The following ZEB2 variants were observed in gnomAD, a reference collection of about 807,000 sequenced individuals.
ZEB2 encodes zinc finger E-box-binding homeobox 2.
In ZEB2, 6 loss-of-function variants were observed where a neutral mutation model predicts 99.9. The observed-to-expected ratio is 0.06, with a 90% CI of 0.03 to 0.12. The LOEUF is 0.12. Ranked by LOEUF, ZEB2 falls within the 10% of genes least tolerant of loss-of-function variation. The pLI, the probability that ZEB2 is intolerant of heterozygous loss-of-function variation, is 1.00. For synonymous variants in ZEB2, 517 were observed against 542.5 expected, an observed-to-expected ratio of 0.95 and a Z score of 0.65; for missense variants, 969 against 1,502.8, an observed-to-expected ratio of 0.64 and a Z score of 5.87.
At position 144,489,241 on chromosome 2, in the gene ZEB2, T is replaced by A. The variant is rs1416414779; in HGVS notation, c.73+28037A>T. 2.6e-5 allele frequency among the ~76,000 whole-genome samples: 4 copies of A among 152,248 alleles called. No homozygotes were observed. The East Asian group carries it at 7.7e-4, about 29-fold the overall frequency. ...AAAAATGCAGCACATGTTGAAGTCT[T>A]AAAGTAATAATATCTTTTTAAATAC... On this transcript the variant is annotated intron_variant, in intron 2 of 9. Coordinates refer to ENST00000627532, the MANE Select transcript of ZEB2 (RefSeq NM_014795.4).
At position 144,384,235 on chromosome 2, in the gene ZEB2, G is replaced by A. The variant is rs1703051337; in HGVS notation, c.*5216C>T. On this transcript the variant is annotated 3_prime_UTR_variant, in exon 10 of 10. Coordinates refer to ENST00000627532, the MANE Select transcript of ZEB2 (RefSeq NM_014795.4). ...ATTTTGGAGCATTTTAACATGTCAT[G>A]CTAGATTATAGGTAGTAGGCGACTC... is the stretch of plus-strand genomic sequence containing the variant. The A allele has an allele frequency of 6.6e-6, 1 of 151,788 alleles. No individual in the cohort carries two copies. Among genetic ancestry groups the A allele is most frequent in the South Asian group, 2.1e-4 (1 of 4,822 alleles). 9.4% of individuals were successfully genotyped at this position (151,788 alleles called of 1,614,324 possible).
intron 2 of ZEB2, among the ~76,000 whole-genome samples, chr2:144,474,184 C>A (rs1704398560): frequency 6.6e-6 from 1 of 152,134 alleles, no homozygotes; most frequent in Non-Finnish European, 1.5e-5. Flanking sequence ...TTGATTCAGA[C>A]CAGATGGATG....
chr2:144,500,270 G>A (rs1704849365), intron 2 of ZEB2, among the ~76,000 whole-genome samples: 4 of 152,186 alleles, frequency 2.6e-5, no homozygotes, highest in South Asian at 4.1e-4. Context: ...TTAATTAACC[G>A]CCCTGTAGAT....
chr2:144,398,208 GT>G, intron 8 of ZEB2, 92 bp downstream of exon 8: 4 of 1,528,620 alleles, frequency 2.6e-6, no homozygotes, highest in South Asian at 1.2e-5. Flanking sequence ...TTTCTGCTGA[GT>G]TTTTTCACTA....
intron 2 of ZEB2, among the ~76,000 whole-genome samples, chr2:144,435,959 T>C (rs993529088): frequency 1.3e-5 from 2 of 152,046 alleles, no homozygotes; most frequent in African/African-American, 4.8e-5. Flanking sequence ...GTTACCTTGT[T>C]ACCTCCGTGC....
Position 144,398,491 on chromosome 2 carries a change from G to A in ZEB2, c.2696C>T (p.Pro899Leu), listed in dbSNP as rs1703260505. ...FSAKPLYTALPPQSAFPPATF... is the reference protein window; with the variant it reads ...FSAKPLYTALLPQSAFPPATF... The stretch of plus-strand genomic sequence containing the variant: ...AGCAGGGGGAAATGCGCTTTGAGGT[G>A]GAAGAGCTGTGTATAAAGGTTTGGC... Residue 899 changes from proline (P) to leucine (L), a missense_variant, in exon 8 of 10, where the codon CCA becomes CTA. By Grantham distance (98) the Pro-to-Leu change is moderately conservative. Transcript: ENST00000627532. The A allele has an allele frequency of 6.2e-7, 1 of 1,613,948 alleles. No homozygotes were observed.
chr2:144,425,365 C>G (rs1202292105), intron 3 of ZEB2, among the ~76,000 whole-genome samples: 1 of 152,136 alleles, frequency 6.6e-6, no homozygotes, highest in African/African-American at 2.4e-5. Context: ...TTCTACATAT[C>G]AAAACTTGGA....
intron 9 of ZEB2, among the ~76,000 whole-genome samples, chr2:144,396,198 G>C (rs552090195): frequency 2.0e-5 from 3 of 152,096 alleles, no homozygotes; most frequent in Non-Finnish European, 4.4e-5. Context: ...AGAATAACTG[G>C]AAAGATATTA....
chr2:144,423,852 G>C (rs1316188851), intron 4 of ZEB2, among the ~76,000 whole-genome samples: 1 of 152,066 alleles, frequency 6.6e-6, no homozygotes, highest in Non-Finnish European at 1.5e-5. Context: ...AATCATCTTA[G>C]TTTTTTACAT....
intron 4 of ZEB2, among the ~76,000 whole-genome samples, chr2:144,410,276 A>G (rs1009448002): frequency 8.5e-5 from 13 of 152,182 alleles, no homozygotes; most frequent in African/African-American, 3.1e-4. Context: ...TTAGATTGTT[A>G]GGGTGAATTT....
intron 2 of ZEB2, among the ~76,000 whole-genome samples, chr2:144,443,084 T>C (rs548670259): frequency 3.5e-4 from 53 of 152,258 alleles, no homozygotes; most frequent in Middle Eastern, 3.4e-3. Flanking sequence ...CTTAGATCCT[T>C]GGGGAAAAGT....
rs771693391 is a variant in ZEB2 at position 144,396,517 on chromosome 2, G to A, written c.2962C>T (p.Arg988Cys). Residue 988 changes from arginine to cysteine, a missense_variant, in exon 9 of 10, where the codon CGC becomes TGC. Transcript: ENST00000627532. ...DMTDSDSCLS[R>C]KKIKKTESGM... ...CTCTCTGTCTTCTTGATCTTTTTGC[G>A]AGACAGACAGGAGTCGGAGTCTGTC... 2 of 1,614,008 alleles carry A rather than the reference G, an allele frequency of 1.2e-6. No individual in the cohort carries two copies. The highest frequency in any genetic ancestry group is 1.7e-6 in the Non-Finnish European group (2 of 1,179,990).
intron 8 of ZEB2, among the ~76,000 whole-genome samples, 178 bp from the exon 9 acceptor site, chr2:144,396,770 T>C (rs1044918012): frequency 3.3e-5 from 5 of 152,174 alleles, no homozygotes; most frequent in African/African-American, 1.2e-4. Flanking sequence ...TGCAACAATA[T>C]ACGCAACAAA....
intron 4 of ZEB2, among the ~76,000 whole-genome samples, chr2:144,420,840 G>A (rs1164173717): frequency 6.6e-6 from 1 of 152,154 alleles, no homozygotes; most frequent in Non-Finnish European, 1.5e-5. Flanking sequence ...AAGGGATTTG[G>A]TCTGACAAGA....
intron 2 of ZEB2, chr2:144,513,058 C>T (rs1370655528): frequency 3.9e-6 from 5 of 1,287,100 alleles, no homozygotes; most frequent in Admixed American, 4.6e-5. Flanking sequence ...GTGTATGACT[C>T]TCGTTGCCCC....
At chr2:144,514,333 T>C (rs1705094994) in intron 2 of ZEB2, 1 of 152,350 alleles carries the variant, frequency 6.6e-6, no homozygotes, top group Admixed American at 6.5e-5. Flanking sequence ...TTGACTTCAT[T>C]AAAATTATAT....
At chr2:144,401,704 T>A (rs1703313066) in intron 6 of ZEB2, among the ~76,000 whole-genome samples, 1 of 152,154 alleles carries the variant, frequency 6.6e-6, no homozygotes, top group Non-Finnish European at 1.5e-5. Context: ...TTCCTGAAAA[T>A]TCTGAATAGT....
intron 2 of ZEB2, chr2:144,450,018 G>C (rs1704035303): frequency 1.3e-5 from 2 of 152,136 alleles, no homozygotes; most frequent in South Asian, 4.1e-4. Context: ...AGTAAGCTAT[G>C]TTGTATTTAT....
At chr2:144,411,123 TACAC>T (rs3073686) in intron 4 of ZEB2, among the ~76,000 whole-genome samples, 137 of 117,584 alleles carry the variant, frequency 1.2e-3, no homozygotes, top group African/African-American at 4.3e-3. Flanking sequence ...ATCTCATATA[TACAC>T]ACACACACAC....
Sources: gnomAD v4.1 joint callset for allele counts (sites outside exome capture counted in the v4.1 genomes callset) on GRCh38, gnomAD v4.1.1 for gene constraint, MANE v1.5 for transcripts, NCBI Gene and HGNC (gene_info 2026-07-23, HGNC 2026-07-21) for gene names.